The following TENM2 variants were observed in gnomAD, a reference collection of about 807,000 sequenced individuals.
The protein encoded by TENM2 is teneurin transmembrane protein 2, also known as teneurin-2.
TENM2 carries 52 observed loss-of-function variants against 245.2 expected under a neutral mutation model. The ratio of observed to expected loss-of-function variants is 0.21; its 90% CI spans 0.17 to 0.27. TENM2 has a LOEUF of 0.27. TENM2 is among the 10% of genes least tolerant of loss of function. The pLI, the probability that TENM2 is intolerant of heterozygous loss-of-function variation, is 1.00. For synonymous variants in TENM2, 1,363 were observed against 1,438.9 expected (o/e 0.95, Z 1.19); for missense variants, 3,046 against 3,666.8 (o/e 0.83, Z 4.37).
intron 2 of TENM2, among the ~76,000 whole-genome samples, chr5:167,685,024 T>A (rs1473839293): frequency 6.6e-6 from 1 of 152,188 alleles, no homozygotes; most frequent in Non-Finnish European, 1.5e-5. Context: ...GCTCCTATCC[T>A]AGGGTCACAT....
At chr5:167,788,104 C>T (rs1440614992) in intron 2 of TENM2, among the ~76,000 whole-genome samples, 1 of 152,154 alleles carries the variant, frequency 6.6e-6, no homozygotes, top group Non-Finnish European at 1.5e-5. Flanking sequence ...ATTTACTACA[C>T]TATTTGAGAA....
intron 2 of TENM2, among the ~76,000 whole-genome samples, chr5:167,625,515 G>C (rs973119395): frequency 1.3e-5 from 2 of 152,156 alleles, no homozygotes; most frequent in Non-Finnish European, 2.9e-5. Flanking sequence ...TGAAGTGTAT[G>C]TGTGATCATT....
chr5:167,215,840 C>T, the TENM2 span, among the ~76,000 whole-genome samples: 7 of 152,176 alleles, frequency 4.6e-5, no homozygotes, highest in African/African-American at 1.7e-4. Context: ...TTCCTTGTTA[C>T]TACTTAATAG....
the TENM2 span, among the ~76,000 whole-genome samples, chr5:167,167,960 A>G: frequency 6.6e-6 from 1 of 152,074 alleles, no homozygotes; most frequent in Admixed American, 6.6e-5. Context: ...CAAGAGTGGA[A>G]AAAAAAATAG....
At chr5:167,192,063 C>G in the TENM2 span, among the ~76,000 whole-genome samples, 1 of 152,022 alleles carries the variant, frequency 6.6e-6, no homozygotes. Flanking sequence ...TTATAAAATA[C>G]TTTTTGTATA....
chr5:167,241,201 T>C, the TENM2 span, among the ~76,000 whole-genome samples: 1 of 152,190 alleles, frequency 6.6e-6, no homozygotes, highest in South Asian at 2.1e-4. Context: ...TTACGAAGCC[T>C]GTACTATATA....
intron 1 of TENM2, among the ~76,000 whole-genome samples, chr5:167,301,039 A>G (rs1755280575): frequency 6.6e-6 from 1 of 152,136 alleles, no homozygotes; most frequent in Admixed American, 6.5e-5. Context: ...TGGAGTGGGT[A>G]GCCTCCTTAT....
Position 168,252,365 on chromosome 5 carries a change from C to CAA in TENM2, c.7432+4010_7432+4011dup, listed in dbSNP as rs35385737. ...GGCACTCTTTTTTGAGACCCTGTCT[C>CAA]AAAAAAAAAAAAAAAAAGACTGGGA... On this transcript the variant is annotated intron_variant, in intron 27 of 28. Coordinates refer to ENST00000518659, the Ensembl canonical transcript of TENM2. Among the ~76,000 whole-genome samples the CAA allele has an allele frequency of 1.8e-3, 205 of 115,314 alleles. 1 individual carries two copies. Among genetic ancestry groups the CAA allele is most frequent in the Non-Finnish European group, 2.1e-3 (119 of 57,458 alleles). The allele number at this position is 115,314 out of a possible 152,430, so 75.7% of individuals were successfully genotyped here.
intron 1 of TENM2, among the ~76,000 whole-genome samples, chr5:167,291,300 A>G (rs757291303): frequency 6.6e-6 from 1 of 152,180 alleles, no homozygotes. Context: ...TTTTTCATTT[A>G]CAAACAATAG....
At chr5:167,841,336 C>T (rs547672717) in intron 2 of TENM2, among the ~76,000 whole-genome samples, 29 of 152,320 alleles carry the variant, frequency 1.9e-4, no homozygotes, top group Admixed American at 1.2e-3. Context: ...GGATTACAGG[C>T]ATGAGCTACC....
intron 1 of TENM2, among the ~76,000 whole-genome samples, chr5:167,351,531 G>A (rs1348565289): frequency 6.6e-6 from 1 of 152,216 alleles, no homozygotes; most frequent in East Asian, 1.9e-4. Flanking sequence ...TGCAGTGACA[G>A]TTCTATGGAA....
At chr5:166,982,944 C>G in the TENM2 span, among the ~76,000 whole-genome samples, 1 of 152,008 alleles carries the variant, frequency 6.6e-6, no homozygotes, top group Admixed American at 6.6e-5. Flanking sequence ...TTGCTGAGAG[C>G]AAATAGCAGT....
chr5:167,375,450 A>G (rs573583486), exon 2 of TENM2: 1 of 1,551,740 alleles, frequency 6.4e-7, no homozygotes, highest in East Asian at 2.4e-5. Flanking sequence ...TCTGACAACG[A>G]AAACAAATCA....
At chr5:167,803,535 A>G (rs966250519) in intron 2 of TENM2, among the ~76,000 whole-genome samples, 8 of 152,052 alleles carry the variant, frequency 5.3e-5, no homozygotes, top group Non-Finnish European at 1.0e-4. Flanking sequence ...GGGAAGCACC[A>G]AACCTGTAGG....
the TENM2 span, among the ~76,000 whole-genome samples, chr5:167,143,649 T>C: frequency 6.6e-6 from 1 of 152,194 alleles, no homozygotes; most frequent in East Asian, 1.9e-4. Flanking sequence ...AGTTGAAGTC[T>C]GGAGACTTGC....
chr5:167,013,758 T>A, the TENM2 span, among the ~76,000 whole-genome samples: 1 of 152,072 alleles, frequency 6.6e-6, no homozygotes, highest in African/African-American at 2.4e-5. Context: ...AAGTGGTAGG[T>A]CTGACTGAAG....
chr5:168,249,467 T>G (rs1766901710), intron 27 of TENM2, among the ~76,000 whole-genome samples: 1 of 148,324 alleles, frequency 6.7e-6, no homozygotes, highest in African/African-American at 2.4e-5. Context: ...TGTGTGTGTG[T>G]GTGTGTGTGT....
intron 2 of TENM2, among the ~76,000 whole-genome samples, chr5:167,632,749 A>G (rs186642953): frequency 2.4e-4 from 37 of 152,302 alleles, no homozygotes; most frequent in African/African-American, 8.9e-4. Flanking sequence ...CCTGGCACAA[A>G]GTAGGCACTA....
intron 25 of TENM2, among the ~76,000 whole-genome samples, chr5:168,241,788 A>G (rs1425817328): frequency 6.6e-6 from 1 of 152,216 alleles, no homozygotes; most frequent in Non-Finnish European, 1.5e-5. Flanking sequence ...TACCTAGCAT[A>G]GCACCTGCCA....
Sources: gnomAD v4.1 joint callset for allele counts (sites outside exome capture counted in the v4.1 genomes callset) on GRCh38, gnomAD v4.1.1 for gene constraint, MANE v1.5 for transcripts, NCBI Gene and HGNC (gene_info 2026-07-23, HGNC 2026-07-21) for gene names.